The following C12orf42 variants were observed in gnomAD, a reference collection of about 807,000 sequenced individuals.
C12orf42 encodes chromosome 12 open reading frame 42.
Under a neutral mutation model 21.6 loss-of-function variants are expected in C12orf42, and 25 were observed. The ratio of observed to expected loss-of-function variants is 1.16; its 90% confidence interval spans 0.84 to 1.62. The LOEUF (loss-of-function observed/expected upper bound fraction) is 1.62. C12orf42 is among the 40% of genes most tolerant of loss of function. The pLI is 0.00. For synonymous variants in C12orf42, 174 were observed against 175.0 expected, an observed-to-expected ratio of 0.99 and a Z score of 0.05; for missense variants, 483 against 459.3, an observed-to-expected ratio of 1.05 and a Z score of -0.47.
At chr12:103,057,304 TA>T in the C12orf42 span, among the ~76,000 whole-genome samples, 1 of 152,070 alleles carries the variant, frequency 6.6e-6, no homozygotes, top group Non-Finnish European at 1.5e-5. Flanking sequence ...ATCTAGGTTT[TA>T]AGCCCCACAT....
chr12:103,494,997 A>C (rs1198848594), intron 1 of C12orf42, among the ~76,000 whole-genome samples: 2 of 152,094 alleles, frequency 1.3e-5, no homozygotes, highest in Non-Finnish European at 1.5e-5. Flanking sequence ...GGGGGATGTG[A>C]GATAAATAAT....
At chr12:103,478,834 C>G (rs1954263971) in intron 1 of C12orf42, among the ~76,000 whole-genome samples, 1 of 151,914 alleles carries the variant, frequency 6.6e-6, no homozygotes, top group Admixed American at 6.6e-5. Flanking sequence ...CTAATCATTT[C>G]CAAAGTATAG....
intron 1 of C12orf42, among the ~76,000 whole-genome samples, chr12:103,485,325 G>A (rs1954761065): frequency 6.6e-6 from 1 of 152,114 alleles, no homozygotes; most frequent in Admixed American, 6.5e-5. Context: ...TGTTCCATTG[G>A]TCTATGTATC....
At chr12:103,302,595 G>T in intron 5 of C12orf42, 36 bp from the exon 6 acceptor site, 1 of 1,554,454 alleles carries the variant, frequency 6.4e-7, no homozygotes. Context: ...ACAGAGATGA[G>T]GCTCAAGCGT....
At chr12:103,555,002 G>T in the C12orf42 span, among the ~76,000 whole-genome samples, 20 of 152,160 alleles carry the variant, frequency 1.3e-4, no homozygotes, top group African/African-American at 3.9e-4. Context: ...TGTTTTTCAA[G>T]CCCCCTGTCA....
chr12:103,225,647 A>G, the C12orf42 span, among the ~76,000 whole-genome samples: 1 of 152,032 alleles, frequency 6.6e-6, no homozygotes, highest in Admixed American at 6.6e-5. Flanking sequence ...AAAGTGTCTC[A>G]GCCTAATAAG....
the C12orf42 span, among the ~76,000 whole-genome samples, chr12:103,181,497 AAGAC>A: frequency 6.6e-6 from 1 of 152,178 alleles, no homozygotes; most frequent in Non-Finnish European, 1.5e-5. Flanking sequence ...AAAAAGAAGA[AAGAC>A]AGAGGTGGAG....
chr12:103,520,602 G>A, the C12orf42 span, among the ~76,000 whole-genome samples: 2 of 151,834 alleles, frequency 1.3e-5, no homozygotes, highest in African/African-American at 4.8e-5. Context: ...GAGTATAACC[G>A]AAGCCCAGGA....
chr12:103,340,760 T>C (rs1313172548), intron 4 of C12orf42, among the ~76,000 whole-genome samples: 1 of 152,000 alleles, frequency 6.6e-6, no homozygotes, highest in Non-Finnish European at 1.5e-5. Flanking sequence ...ACGTCTGATA[T>C]TAAAACATAC....
chr12:103,165,650 G>T, the C12orf42 span, among the ~76,000 whole-genome samples: 13 of 152,282 alleles, frequency 8.5e-5, no homozygotes, highest in African/African-American at 2.2e-4. Context: ...TCATGTGCCT[G>T]GTGCTGTATC....
At chr12:103,214,698 A>T in the C12orf42 span, among the ~76,000 whole-genome samples, 2 of 152,222 alleles carry the variant, frequency 1.3e-5, no homozygotes, top group Non-Finnish European at 2.9e-5. Context: ...GTGTGGAAAT[A>T]ACGGTCATAG....
chr12:103,121,002 C>T, the C12orf42 span, among the ~76,000 whole-genome samples: 1 of 151,980 alleles, frequency 6.6e-6, no homozygotes, highest in Non-Finnish European at 1.5e-5. Context: ...GGTCAAAATC[C>T]TAAATTTCTT....
chr12:103,066,572 C>T, the C12orf42 span, among the ~76,000 whole-genome samples: 840 of 152,318 alleles, frequency 5.5e-3, 5 homozygotes, highest in Non-Finnish European at 8.9e-3. Flanking sequence ...TGAAGGACAG[C>T]GGTGAAGGGA....
downstream of C12orf42, chr12:103,301,879 T>C: frequency 1.9e-6 from 1 of 522,316 alleles, no homozygotes. Flanking sequence ...ACAAATTCTT[T>C]GTAACACTGG....
chr12:103,263,546 A>C (rs1417398380), downstream of C12orf42, among the ~76,000 whole-genome samples: 2 of 152,096 alleles, frequency 1.3e-5, no homozygotes, highest in Non-Finnish European at 2.9e-5. Context: ...CCAAGGAGAT[A>C]GTGGTCCTGG....
intron 2 of C12orf42, among the ~76,000 whole-genome samples, chr12:103,459,823 T>A (rs1952568407): frequency 2.0e-5 from 3 of 152,080 alleles, no homozygotes; most frequent in Admixed American, 1.3e-4. Flanking sequence ...CTGTTGACAT[T>A]GGCTTTGCTC....
the C12orf42 span, among the ~76,000 whole-genome samples, chr12:103,191,063 T>C: frequency 6.6e-6 from 1 of 152,192 alleles, no homozygotes; most frequent in Non-Finnish European, 1.5e-5. Context: ...TCAGTAGATT[T>C]CTCAGTAGAA....
chr12:103,066,074 T>C, the C12orf42 span, among the ~76,000 whole-genome samples: 1 of 152,162 alleles, frequency 6.6e-6, no homozygotes, highest in Non-Finnish European at 1.5e-5. Flanking sequence ...AGCGGAGGCC[T>C]CTAGGATTTT....
the C12orf42 span, among the ~76,000 whole-genome samples, chr12:103,154,927 TA>T: frequency 2.6e-5 from 4 of 152,200 alleles, no homozygotes; most frequent in African/African-American, 9.6e-5. Flanking sequence ...GTGTCTGGAA[TA>T]AAATTCACCC....
Sources: gnomAD v4.1 joint callset for allele counts (sites outside exome capture counted in the v4.1 genomes callset) on GRCh38, gnomAD v4.1.1 for gene constraint, MANE v1.5 for transcripts, NCBI Gene and HGNC (gene_info 2026-07-23, HGNC 2026-07-21) for gene names.